The following NEB variants were observed in gnomAD, a reference collection of about 807,000 sequenced individuals.
NEB encodes the protein nemaline myopathy type 2.
NEB carries 512 observed loss-of-function variants against 952.2 expected under a neutral mutation model. That is an observed-to-expected ratio of 0.54 (90% CI 0.50 to 0.58). The LOEUF (loss-of-function observed/expected upper bound fraction) is 0.58. NEB is among the 20% of genes least tolerant of loss of function. The probability of loss-of-function intolerance (pLI) is 0.00; values close to 1 mark genes in which losing one functional copy is unlikely to be tolerated. For synonymous variants in NEB, 2,900 were observed against 3,149.8 expected, an observed-to-expected ratio of 0.92 and a Z score of 2.66; for missense variants, 8,428 against 9,231.1, an observed-to-expected ratio of 0.91 and a Z score of 3.56.
chr2:151,561,727 G>A (rs768775701), intron 121 of NEB, among the ~76,000 whole-genome samples: 13 of 151,830 alleles, frequency 8.6e-5, no homozygotes, highest in Non-Finnish European at 1.5e-4. Flanking sequence ...GCTGAACCAC[G>A]TGCTGAAAAG....
chr2:151,625,839 A>T (rs2098511264), intron 70 of NEB, among the ~76,000 whole-genome samples: 1 of 152,142 alleles, frequency 6.6e-6, no homozygotes, highest in Non-Finnish European at 1.5e-5. Flanking sequence ...TGAAAAGAAA[A>T]ATATATATAT....
chr2:151,690,880 C>G (rs541558723), intron 23 of NEB, 55 bp from the exon 24 acceptor site: 2 of 1,295,566 alleles, frequency 1.5e-6, no homozygotes, highest in Non-Finnish European at 2.2e-6. Flanking sequence ...GTTATACATG[C>G]GCTAACATAA....
At chr2:151,695,540 G>T (rs2099589785) in intron 18 of NEB, 38 bp downstream of exon 18, 1 of 1,435,714 alleles carries the variant, frequency 7.0e-7, no homozygotes, top group Non-Finnish European at 9.8e-7. Context: ...AGCACAGGTT[G>T]TCAGTACATC....
Position 151,610,029 on chromosome 2 carries a change from T to C in NEB, c.12110A>G (p.His4037Arg). The change falls in exon 81 of 182, where the codon CAT (histidine) becomes CGT (arginine). Residue 4037 changes from histidine to arginine, a missense_variant. This residue lies in a region of NEB where 337 missense variants were observed against 297.5 expected (regional missense o/e 1.13). Coordinates refer to ENST00000397345, the MANE Select transcript of NEB (RefSeq NM_001164508.2). ...EDDPKIMCAI[H>R]AGKIQSEREY... ...CCTTTCACTTTGAATTTTTCCTGCA[T>C]GTATGGCACACATAATCTTGGGATC... The C allele has an allele frequency of 1.9e-6, 3 of 1,613,904 alleles. No individual in the cohort carries two copies. Among genetic ancestry groups the C allele is most frequent in the Non-Finnish European group, 2.5e-6 (3 of 1,179,844 alleles).
intron 124 of NEB, among the ~76,000 whole-genome samples, chr2:151,555,884 A>AC (rs1440622873): frequency 3.4e-4 from 51 of 151,592 alleles, no homozygotes; most frequent in African/African-American, 9.7e-4. Context: ...AAAAAAAAAA[A>AC]ACACATACAC....
intron 17 of NEB, 77 bp downstream of exon 17, chr2:151,696,560 G>T: frequency 9.1e-7 from 1 of 1,102,546 alleles, no homozygotes; most frequent in Non-Finnish European, 1.4e-6. Flanking sequence ...AACTTGATAA[G>T]TCATTGGATT....
intron 3 of NEB, among the ~76,000 whole-genome samples, chr2:151,730,279 G>A (rs924992979): frequency 2.0e-5 from 3 of 152,102 alleles, no homozygotes; most frequent in African/African-American, 7.2e-5. Context: ...ACTGGTAAAT[G>A]CCAAGTAATG....
At chr2:151,514,045 A>G (rs1409135325) in intron 159 of NEB, among the ~76,000 whole-genome samples, 1 of 152,266 alleles carries the variant, frequency 6.6e-6, no homozygotes, top group East Asian at 1.9e-4. Context: ...GTTTTCGTGT[A>G]GATGAGCACA....
intron 179 of NEB, chr2:151,491,086 A>G (rs7587301): frequency 0.4 from 60,389 of 151,544 alleles, 12,183 homozygotes; most frequent in African/African-American, 0.44. Flanking sequence ...GCTGAAGGGC[A>G]GTGGTACAAT....
At chr2:151,673,480 C>T (rs1345325425) in intron 36 of NEB, among the ~76,000 whole-genome samples, 1 of 150,964 alleles carries the variant, frequency 6.6e-6, no homozygotes, top group African/African-American at 2.4e-5. Context: ...ATACTGTAGA[C>T]TTTCACTTTC....
At chr2:151,544,522 C>A (rs966518099) in intron 135 of NEB, among the ~76,000 whole-genome samples, 3 of 152,156 alleles carry the variant, frequency 2.0e-5, no homozygotes, top group Admixed American at 6.5e-5. Flanking sequence ...AGGTGATTCT[C>A]ATACTGAGCC....
At chr2:151,559,004 A>G (rs1470955144) in intron 124 of NEB, among the ~76,000 whole-genome samples, 1 of 152,200 alleles carries the variant, frequency 6.6e-6, no homozygotes, top group African/African-American at 2.4e-5. Flanking sequence ...TGAAAAGGCA[A>G]CCTACAGAAT....
At chr2:151,519,802 G>A (rs1165945904) in intron 153 of NEB, 34 bp from the exon 154 acceptor site, 1 of 1,391,380 alleles carries the variant, frequency 7.2e-7, no homozygotes, top group South Asian at 1.2e-5. Context: ...AATTATTCCT[G>A]GACATCAATC....
chr2:151,690,762 A>G lies in NEB; in HGVS notation c.2275T>C (p.Leu759=). The change falls in exon 24 of 182, where the codon TTG becomes CTG. Residue 759 remains leucine (L), a synonymous_variant. Coordinates refer to ENST00000397345, the MANE Select transcript of NEB (RefSeq NM_001164508.2). ...TGTTTCGTGTTGAGCTGGGCTTGCA[A>G]CAGTACAGGAGAATCAGTGACTGCC... The part of the protein sequence containing the change: ...FTAVTDSPVL[L]QAQLNTKQLS... The G allele has an allele frequency of 1.3e-6, 2 of 1,599,262 alleles. No homozygotes were observed. Among genetic ancestry groups the G allele is most frequent in the Non-Finnish European group, 1.7e-6 (2 of 1,172,568 alleles).
At position 151,492,430 on chromosome 2, in the gene NEB, G is replaced by A; in HGVS notation, c.24830C>T (p.Pro8277Leu). The A allele has an allele frequency of 1.2e-6, 2 of 1,612,404 alleles. No homozygotes were observed. Among genetic ancestry groups the A allele is most frequent in the Non-Finnish European group, 1.7e-6 (2 of 1,179,216 alleles). ...QGKAAYVLDT[P>L]EMRRVRETQR... ...GGTCTCCCTCACCCGTCTCATCTCG[G>A]GGGTATCCAATACATAGGCAGCTTT... The change falls in exon 177 of 182, where the codon CCC (proline) becomes CTC (leucine). Residue 8277 changes from proline to leucine, a missense_variant. Transcript: ENST00000397345.
chr2:151,565,032 AAG>A lies in NEB; in HGVS notation c.18471+10_18471+11del. On this transcript the variant is annotated intron_variant, in intron 117 of 181. Coordinates refer to ENST00000397345, the MANE Select transcript of NEB (RefSeq NM_001164508.2). ...TAGAAATTGAGTGGTTATTACATAA[AAG>A]AGAACTTACAGTACTGTAGAGTTTT... 6.8e-7 allele frequency: 1 copy of A among 1,474,464 alleles called. No individual in the cohort carries two copies. Among genetic ancestry groups the A allele is most frequent in the Non-Finnish European group, 9.4e-7 (1 of 1,069,386 alleles). The allele number at this position is 1,474,464 out of a possible 1,614,324, so 91.3% of individuals were successfully genotyped here.
intron 161 of NEB, among the ~76,000 whole-genome samples, chr2:151,508,623 G>A (rs536965992): frequency 1.7e-4 from 26 of 152,346 alleles, no homozygotes; most frequent in Admixed American, 5.9e-4. Context: ...GGACTGAGCC[G>A]GCAGTCAGAC....
intron 10 of NEB, among the ~76,000 whole-genome samples, chr2:151,713,404 C>CA (rs2099750588): frequency 6.6e-6 from 1 of 152,128 alleles, no homozygotes. Context: ...CTGCTTGACT[C>CA]AATCAAATCT....
chr2:151,695,627 T>A lies in NEB; in HGVS notation c.1625A>T (p.Asp542Val). Reference sequence around the variant, plus strand: ...TTTGTGCTGGATAAAAGCAGGAGTATCAGGGGGGATATGGCACTTGAACTT... The same window carrying A: ...TTTGTGCTGGATAAAAGCAGGAGTAACAGGGGGGATATGGCACTTGAACTT... ...SEKFKCHIPPDTPAFIQHKVN... is the reference protein window; with the variant it reads ...SEKFKCHIPPVTPAFIQHKVN... The change falls in exon 18 of 182, where the codon GAT becomes GTT. Residue 542 changes from aspartate to valine, a missense_variant. Physicochemically the swap from Asp to Val is radical, Grantham distance 152. This residue lies in a region of NEB where 2,851 missense variants were observed against 2,791.5 expected (regional missense o/e 1.02). Coordinates refer to ENST00000397345, the MANE Select transcript of NEB (RefSeq NM_001164508.2). The A allele has an allele frequency of 6.2e-7, 1 of 1,613,926 alleles. No homozygotes were observed. Among genetic ancestry groups the A allele is most frequent in the Non-Finnish European group, 8.5e-7 (1 of 1,179,858 alleles).
Sources: allele counts gnomAD v4.1 joint callset (sites outside exome capture counted in the v4.1 genomes callset), GRCh38; gene constraint gnomAD v4.1.1; regional missense constraint gnomAD v4.1.1; transcripts MANE v1.5; gene names NCBI Gene and HGNC (gene_info 2026-07-23, HGNC 2026-07-21).